Variants in ASXL3 observed in about 807,000 individuals in gnomAD.
The protein encoded by ASXL3 is putative Polycomb group protein ASXL3.
A neutral mutation model predicts 170.6 loss-of-function variants in ASXL3; 34 were observed. The observed-to-expected ratio is 0.20, with a 90% CI of 0.15 to 0.27. The LOEUF (loss-of-function observed/expected upper bound fraction) is 0.27, where lower values mean the gene tolerates loss of function less well. ASXL3 is among the 10% of genes least tolerant of loss of function. ASXL3 has a pLI of 1.00. For missense variants in ASXL3, 2,592 were observed against 2,695.3 expected (o/e 0.96, Z 0.85); for synonymous variants, 1,002 against 989.1 (o/e 1.01, Z -0.24).
At chr18:33,618,914 C>G (rs2065468928) in intron 2 of ASXL3, among the ~76,000 whole-genome samples, 2 of 152,042 alleles carry the variant, frequency 1.3e-5, no homozygotes, top group Admixed American at 6.6e-5. Flanking sequence ...TACCTTTGTA[C>G]CATTAATTTT....
chr18:33,661,109 T>C (rs1349645587), intron 4 of ASXL3, among the ~76,000 whole-genome samples: 3 of 152,192 alleles, frequency 2.0e-5, no homozygotes, highest in Non-Finnish European at 4.4e-5. Flanking sequence ...CCATGCTTTA[T>C]GACTCAGCCC....
intron 5 of ASXL3, among the ~76,000 whole-genome samples, chr18:33,668,967 T>G (rs2066300765): frequency 6.6e-6 from 1 of 152,084 alleles, no homozygotes; most frequent in Non-Finnish European, 1.5e-5. Context: ...AGAAGTAGTT[T>G]AAATATATGC....
At position 33,578,509 on chromosome 18, in the gene ASXL3, G is replaced by T; in HGVS notation, c.-123G>T. 7.7e-6 allele frequency: 3 copies of T among 391,342 alleles called. No homozygotes were observed. The highest frequency in any genetic ancestry group is 1.1e-5 in the Non-Finnish European group (3 of 275,974). The allele number at this position is 391,342 out of a possible 1,614,324, so 24.2% of individuals were successfully genotyped here. A position where few individuals can be genotyped will look rare whatever the true frequency, so the allele number is the denominator to read the frequency against. On this transcript the variant is annotated 5_prime_UTR_variant, in exon 1 of 12. Coordinates refer to ENST00000269197, the MANE Select transcript of ASXL3 (RefSeq NM_030632.3). ...CGCCGCCGCCGCCGCCACCGCCCGC[G>T]CGCCTCCCCCCGCGGAGCGAGTGCG...
rs776940262 is a variant in ASXL3, at chr18:33,740,102, G to T, written c.2698G>T (p.Ala900Ser). Residue 900 changes from alanine (A) to serine (S), a missense_variant, in exon 11 of 12, where the codon GCT (alanine) becomes TCT (serine). Physicochemically the swap from Ala to Ser is moderately conservative, Grantham distance 99. Transcript: ENST00000269197. ...TDNKGNELPS[A>S]KLQDKQYISS... ...TAATAAGGGAAATGAGCTTCCATCT[G>T]CTAAATTACAGGACAAGCAATATAT... The T allele has an allele frequency of 5.6e-6, 9 of 1,613,918 alleles. No individual in the cohort carries two copies. In the South Asian group the frequency reaches 8.8e-5, roughly 16 times the overall value.
At chr18:33,656,915 C>T (rs1304714590) in intron 4 of ASXL3, among the ~76,000 whole-genome samples, 4 of 152,064 alleles carry the variant, frequency 2.6e-5, no homozygotes, top group Non-Finnish European at 4.4e-5. Flanking sequence ...AAGTTAACTT[C>T]AAAAATACTT....
chr18:33,715,798 A>G (rs1218051021), intron 8 of ASXL3, among the ~76,000 whole-genome samples: 1 of 152,186 alleles, frequency 6.6e-6, no homozygotes, highest in Admixed American at 6.6e-5. Context: ...TCTTTGAGAC[A>G]TAGGTAAAGA....
chr18:33,654,768 C>T (rs781058956), intron 4 of ASXL3, among the ~76,000 whole-genome samples: 3 of 151,918 alleles, frequency 2.0e-5, no homozygotes, highest in Non-Finnish European at 2.9e-5. Context: ...ACCCTGTGAG[C>T]GAAATCCTTG....
Position 33,578,612 on chromosome 18 carries a change from A to T in ASXL3, c.-20A>T. On this transcript the variant is annotated 5_prime_UTR_variant, in exon 1 of 12. Coordinates refer to ENST00000269197, the MANE Select transcript of ASXL3 (RefSeq NM_030632.3). ...TGGAATCCCCCACGTCATCATCAGA[A>T]CCATCAATGAGATGCAAACATGAAA... 1 of 1,317,494 alleles carries T rather than the reference A, an allele frequency of 7.6e-7. No individual in the cohort carries two copies. Among genetic ancestry groups the T allele is most frequent in the South Asian group, 1.7e-5 (1 of 60,184 alleles). The allele number at this position is 1,317,494 out of a possible 1,614,324, so 81.6% of individuals were successfully genotyped here.
At position 33,681,681 on chromosome 18, in the gene ASXL3, CTTTA is replaced by C. The variant is rs1325628718; in HGVS notation, c.716-1719_716-1716del. Among the ~76,000 whole-genome samples, 10 of 151,558 alleles carry C rather than the reference CTTTA, an allele frequency of 6.6e-5. No homozygotes were observed. In the East Asian group the frequency reaches 1.7e-3, roughly 26 times the overall value. On this transcript the variant is annotated intron_variant, in intron 7 of 11. Coordinates refer to ENST00000269197, the MANE Select transcript of ASXL3 (RefSeq NM_030632.3). ...ATCTTTCTTGAGATTTGGTATGTAG[CTTTA>C]TTTAAGAACTTTAATCATTATTTCA...
Position 33,744,088 on chromosome 18 carries a change from G to A in ASXL3, c.4240G>A (p.Ala1414Thr), listed in dbSNP as rs371206369. 2.7e-5 allele frequency: 43 copies of A among 1,613,996 alleles called. No homozygotes were observed. Among genetic ancestry groups the A allele is most frequent in the African/African-American group, 2.3e-4 (17 of 75,034 alleles). ...CTCTCTGGTTGCACACCCGACCGTC[G>A]CAATGTTTACTGGAAACATGCTGAC... ...TDSLVAHPTVAMFTGNMLTIN... is the reference protein window; with the variant it reads ...TDSLVAHPTVTMFTGNMLTIN... Residue 1414 changes from alanine to threonine, a missense_variant, in exon 12 of 12, where the codon GCA becomes ACA. Around this residue, in one of 4 missense-constraint regions of ASXL3, gnomAD observed 2,246 missense variants for 2,219.6 expected, o/e 1.01. Transcript: ENST00000269197.
chr18:33,732,530 C>T (rs1050375538), intron 9 of ASXL3, among the ~76,000 whole-genome samples: 4 of 152,126 alleles, frequency 2.6e-5, no homozygotes, highest in Admixed American at 2.6e-4. Flanking sequence ...AGGGATGGGC[C>T]CACTCTACAC....
chr18:33,722,574 G>A (rs62092434), intron 8 of ASXL3, among the ~76,000 whole-genome samples: 5,725 of 152,138 alleles, frequency 0.038, 126 homozygotes, highest in Non-Finnish European at 0.043. Flanking sequence ...TGCTAGAAGG[G>A]AACTTGGAAG....
At chr18:33,699,691 G>A (rs72947433) in intron 8 of ASXL3, among the ~76,000 whole-genome samples, 10,513 of 152,078 alleles carry the variant, frequency 0.069, 378 homozygotes, top group South Asian at 0.11. Flanking sequence ...AAAATGGAAC[G>A]TGTGCAATGG....
At chr18:33,723,468 G>T (rs905141241) in intron 8 of ASXL3, among the ~76,000 whole-genome samples, 1 of 152,152 alleles carries the variant, frequency 6.6e-6, no homozygotes, top group African/African-American at 2.4e-5. Context: ...AATAGCAAGA[G>T]AACTAGAATT....
Position 33,671,698 on chromosome 18 carries a change from C to T in ASXL3, c.596-49C>T, listed in dbSNP as rs2066344387. On this transcript the variant is annotated intron_variant, in intron 6 of 11. Transcript: ENST00000269197. ...TCAAACAATTTTAGATTTTTCTTTTCAAGGACAGCTAGAGAAGATAATGAC... is the reference window on the plus strand; with the variant it reads ...TCAAACAATTTTAGATTTTTCTTTTTAAGGACAGCTAGAGAAGATAATGAC... 9 of 1,493,916 alleles carry T rather than the reference C, an allele frequency of 6.0e-6. No individual in the cohort carries two copies. In the East Asian group the frequency reaches 1.9e-4, roughly 32 times the overall value. 92.5% of individuals were successfully genotyped at this position (1,493,916 alleles called of 1,614,324 possible).
chr18:33,610,434 C>T (rs1478200352), intron 2 of ASXL3, among the ~76,000 whole-genome samples: 1 of 152,038 alleles, frequency 6.6e-6, no homozygotes, highest in Admixed American at 6.6e-5. Context: ...CAGTCCTCCA[C>T]TGTACCTAGC....
At position 33,739,827 on chromosome 18, in the gene ASXL3, C is replaced by A; in HGVS notation, c.2423C>A (p.Pro808His). 6.2e-7 allele frequency: 1 copy of A among 1,613,902 alleles called. No individual in the cohort carries two copies. The change falls in exon 11 of 12, where the codon CCC becomes CAC. Residue 808 changes from proline (P) to histidine (H), a missense_variant. Around this residue, in one of 4 missense-constraint regions of ASXL3, gnomAD observed 2,246 missense variants for 2,219.6 expected, o/e 1.01. Transcript: ENST00000269197. ...TSQQKNLSNT[P>H]EPIIMSSSSI... ...CAGCAGAAGAATCTGTCTAATACTC[C>A]CGAACCCATCATAATGAGTTCTTCT...
At chr18:33,642,254 TTGA>T (rs1171673695) in intron 2 of ASXL3, among the ~76,000 whole-genome samples, 1 of 152,032 alleles carries the variant, frequency 6.6e-6, no homozygotes, top group Admixed American at 6.6e-5. Flanking sequence ...GTTTATGGAA[TTGA>T]TGAGGATAGC....
chr18:33,684,996 A>T (rs1178483713), intron 8 of ASXL3, among the ~76,000 whole-genome samples: 1 of 152,176 alleles, frequency 6.6e-6, no homozygotes, highest in Non-Finnish European at 1.5e-5. Flanking sequence ...GGAAGGACAG[A>T]TTGGAAGTTG....
Sources: gnomAD v4.1 joint callset for allele counts (sites outside exome capture counted in the v4.1 genomes callset) on GRCh38, gnomAD v4.1.1 for gene constraint, gnomAD v4.1.1 regional missense constraint, MANE v1.5 for transcripts, NCBI Gene and HGNC (gene_info 2026-07-23, HGNC 2026-07-21) for gene names.